Variants in GNPDA2 observed in about 807,000 individuals in gnomAD.
GNPDA2 encodes the protein glcN6P deaminase 2.
GNPDA2 carries 24 observed loss-of-function variants against 27.0 expected under a neutral mutation model. The ratio of observed to expected loss-of-function variants is 0.89; its 90% CI spans 0.64 to 1.25. GNPDA2 has a LOEUF of 1.25. Ranked by LOEUF, GNPDA2 falls within the 50% of genes most tolerant of loss-of-function variation. The probability of loss-of-function intolerance (pLI) is 0.00; values close to 1 mark genes in which losing one functional copy is unlikely to be tolerated. For missense variants in GNPDA2, 286 were observed against 335.1 expected (o/e 0.85, Z 1.14); for synonymous variants, 94 against 108.4 (o/e 0.87, Z 0.83).
At chr4:44,708,688 A>T (rs1213181176) in intron 5 of GNPDA2, among the ~76,000 whole-genome samples, 1 of 130,968 alleles carries the variant, frequency 7.6e-6, no homozygotes, top group Non-Finnish European at 1.7e-5. Flanking sequence ...GATCCCATTT[A>T]ACACCTCATC....
intron 6 of GNPDA2, chr4:44,704,020 G>GAGAT: frequency 1.0e-6 from 1 of 985,160 alleles, no homozygotes; most frequent in Non-Finnish European, 1.2e-6. Flanking sequence ...CTGGATTGGA[G>GAGAT]AGATAGGTTG....
chr4:44,710,993 G>A lies in GNPDA2; in HGVS notation c.554C>T (p.Ala185Val). ...DGDLSKVPTM[A>V]LTVGVGTVMD... ...CACTGTCCCCACACCAACAGTTAGA[G>A]CCATAGTTGGCACTTTTGATAAATC... The change falls in exon 5 of 7, where the codon GCT (alanine) becomes GTT (valine). Residue 185 changes from alanine (A) to valine (V), a missense_variant. Coordinates refer to ENST00000295448, the MANE Select transcript of GNPDA2 (RefSeq NM_138335.3). The A allele has an allele frequency of 1.2e-6, 2 of 1,612,488 alleles. No homozygotes were observed. Among genetic ancestry groups the A allele is most frequent in the Non-Finnish European group, 1.7e-6 (2 of 1,179,300 alleles).
At chr4:44,714,491 A>C (rs905670193) in intron 4 of GNPDA2, 1 of 985,236 alleles carries the variant, frequency 1.0e-6, no homozygotes, top group African/African-American at 1.7e-5. Context: ...TAGCAGATTA[A>C]CATTTTTGAG....
Position 44,702,749 on chromosome 4 carries a change from A to T in GNPDA2, c.*332T>A. 9.0e-7 allele frequency: 1 copy of T among 1,116,614 alleles called. No individual in the cohort carries two copies. The highest frequency in any genetic ancestry group is 2.7e-5 in the South Asian group (1 of 37,142). The allele number at this position is 1,116,614 out of a possible 1,614,324, so 69.2% of individuals were successfully genotyped here. A position where few individuals can be genotyped will look rare whatever the true frequency, so the allele number is the denominator to read the frequency against. ...TAAAAAATGAAATATACGCCACTGGAGTCATATCACAAATGGTGCCTGATG... is the reference window on the plus strand; with the variant it reads ...TAAAAAATGAAATATACGCCACTGGTGTCATATCACAAATGGTGCCTGATG... On this transcript the variant is annotated 3_prime_UTR_variant, in exon 7 of 7. Coordinates refer to ENST00000295448, the MANE Select transcript of GNPDA2 (RefSeq NM_138335.3).
intron 6 of GNPDA2, chr4:44,706,315 T>C (rs1277877604): frequency 1.3e-5 from 2 of 151,958 alleles, no homozygotes; most frequent in African/African-American, 4.8e-5. Context: ...AATCTAAGTG[T>C]TAATAAGGAA....
At chr4:44,723,641 C>T (rs987212997) in intron 1 of GNPDA2, among the ~76,000 whole-genome samples, 11 of 152,212 alleles carry the variant, frequency 7.2e-5, no homozygotes, top group Middle Eastern at 3.4e-3. Context: ...GATGGACACT[C>T]AGGTTGATTT....
At chr4:44,712,654 G>GT (rs2033156589) in intron 4 of GNPDA2, among the ~76,000 whole-genome samples, 1 of 152,028 alleles carries the variant, frequency 6.6e-6, no homozygotes, top group African/African-American at 2.4e-5. Flanking sequence ...GGAAGGATGG[G>GT]ATCAGGAAAA....
intron 4 of GNPDA2, among the ~76,000 whole-genome samples, chr4:44,716,517 T>TAC (rs1327393491): frequency 2.2e-4 from 2 of 9,214 alleles, no homozygotes; most frequent in Admixed American, 2.3e-3. Flanking sequence ...GTAGATTATA[T>TAC]ATACACACAC....
At chr4:44,721,570 A>G (rs1717671472) in intron 2 of GNPDA2, among the ~76,000 whole-genome samples, 1 of 152,066 alleles carries the variant, frequency 6.6e-6, no homozygotes, top group African/African-American at 2.4e-5. Context: ...ATGAAGATAT[A>G]TTTTTCACTT....
chr4:44,724,709 T>G (rs1435634568), intron 1 of GNPDA2, among the ~76,000 whole-genome samples: 8 of 152,162 alleles, frequency 5.3e-5, no homozygotes, highest in Non-Finnish European at 1.2e-4. Context: ...AAGGTCTTAT[T>G]AAAATAAATG....
chr4:44,707,595 T>C, intron 6 of GNPDA2, 157 bp downstream of exon 6: 2 of 537,930 alleles, frequency 3.7e-6, no homozygotes, highest in Non-Finnish European at 6.5e-6. Flanking sequence ...AAGATACTAT[T>C]ATCTGAGGTG....
intron 1 of GNPDA2, among the ~76,000 whole-genome samples, chr4:44,724,046 G>A (rs912073538): frequency 1.3e-5 from 2 of 152,172 alleles, no homozygotes; most frequent in Admixed American, 6.5e-5. Context: ...GCAGTCGATC[G>A]TAGGGAGAGT....
chr4:44,717,838 T>C (rs1276894934), intron 3 of GNPDA2, among the ~76,000 whole-genome samples: 3 of 151,944 alleles, frequency 2.0e-5, no homozygotes, highest in Non-Finnish European at 2.9e-5. Flanking sequence ...ACAGAGTTTC[T>C]ATGCATCACA....
Position 44,711,131 on chromosome 4 carries a change from C to A in GNPDA2, c.416G>T (p.Gly139Val). 6.4e-7 allele frequency: 1 copy of A among 1,574,796 alleles called. No homozygotes were observed. Among genetic ancestry groups the A allele is most frequent in the Non-Finnish European group, 8.6e-7 (1 of 1,164,352 alleles). Residue 139 changes from glycine (G) to valine (V), a missense_variant, in exon 5 of 7, where the codon GGT becomes GTT. Gly to Val is a moderately radical substitution (Grantham distance 109). Coordinates refer to ENST00000295448, the MANE Select transcript of GNPDA2 (RefSeq NM_138335.3). ...GGIDLFVGGI[G>V]PDGHIAFNEP... ...ATTGAAAGCGATATGACCATCTGGACCAATTCCTTTCAAAAGAAATATACA... is the reference window on the plus strand; with the variant it reads ...ATTGAAAGCGATATGACCATCTGGAACAATTCCTTTCAAAAGAAATATACA...
At chr4:44,725,514 T>C (rs1229511208) in intron 1 of GNPDA2, among the ~76,000 whole-genome samples, 1 of 152,192 alleles carries the variant, frequency 6.6e-6, no homozygotes, top group Non-Finnish European at 1.5e-5. Flanking sequence ...CAGGTGAAAT[T>C]TGTTAAGAAC....
At chr4:44,724,101 T>TC (rs1717859215) in intron 1 of GNPDA2, among the ~76,000 whole-genome samples, 1 of 152,156 alleles carries the variant, frequency 6.6e-6, no homozygotes, top group South Asian at 2.1e-4. Flanking sequence ...ATGGGTTTTT[T>TC]CCTTTTGGTC....
At chr4:44,716,939 TTTAAGA>T (rs1717330022) in intron 4 of GNPDA2, among the ~76,000 whole-genome samples, 168 bp downstream of exon 4, 1 of 151,794 alleles carries the variant, frequency 6.6e-6, no homozygotes, top group African/African-American at 2.4e-5. Context: ...AGACGGGAAT[TTTAAGA>T]TTATTTTCTG....
At chr4:44,723,707 T>C (rs1232936711) in intron 1 of GNPDA2, among the ~76,000 whole-genome samples, 1 of 152,070 alleles carries the variant, frequency 6.6e-6, no homozygotes. Flanking sequence ...AGGTGTCCAG[T>C]TCCTTGGCAT....
At chr4:44,708,970 A>G (rs1018109417) in intron 5 of GNPDA2, among the ~76,000 whole-genome samples, 1 of 152,152 alleles carries the variant, frequency 6.6e-6, no homozygotes, top group African/African-American at 2.4e-5. Context: ...AGGTTTTGGT[A>G]AGATACAAAC....
Sources: gnomAD v4.1 joint callset for allele counts (sites outside exome capture counted in the v4.1 genomes callset) on GRCh38, gnomAD v4.1.1 for gene constraint, MANE v1.5 for transcripts, NCBI Gene and HGNC (gene_info 2026-07-23, HGNC 2026-07-21) for gene names.